KATNIP: variants seen among roughly 807,000 people sequenced by gnomAD.
KATNIP encodes katanin interacting protein.
KATNIP carries 126 observed loss-of-function variants against 174.0 expected under a neutral mutation model. The observed-to-expected ratio is 0.72, with a 90% CI of 0.63 to 0.84. The LOEUF (loss-of-function observed/expected upper bound fraction) is 0.84. Among genes scored for constraint, KATNIP ranks in the 40% least tolerant of loss-of-function variants. The probability of loss-of-function intolerance (pLI) is 0.00; values close to 1 mark genes in which losing one functional copy is unlikely to be tolerated. For synonymous variants in KATNIP, 810 were observed against 835.7 expected, an observed-to-expected ratio of 0.97 and a Z score of 0.53; for missense variants, 1,958 against 2,109.7, an observed-to-expected ratio of 0.93 and a Z score of 1.41.
At chr16:27,737,689 C>T (rs144523098) in intron 14 of KATNIP, among the ~76,000 whole-genome samples, 35 of 152,166 alleles carry the variant, frequency 2.3e-4, no homozygotes, top group Admixed American at 7.9e-4. Context: ...TGCAGAGCCA[C>T]ACAAGCCCCA....
chr16:27,655,643 A>G (rs148582580), intron 6 of KATNIP, among the ~76,000 whole-genome samples: 18 of 152,174 alleles, frequency 1.2e-4, no homozygotes, highest in Admixed American at 4.6e-4. Context: ...CCGAGTGCCA[A>G]GCACCATGTT....
At chr16:27,558,996 G>A (rs2089742831) in intron 1 of KATNIP, among the ~76,000 whole-genome samples, 1 of 152,190 alleles carries the variant, frequency 6.6e-6, no homozygotes, top group Non-Finnish European at 1.5e-5. Context: ...GGAAGAACTG[G>A]CCACTGGGCT....
At chr16:27,554,998 A>G (rs1374808538) in intron 1 of KATNIP, among the ~76,000 whole-genome samples, 1 of 151,836 alleles carries the variant, frequency 6.6e-6, no homozygotes. Flanking sequence ...GGGTTTCACC[A>G]TGTTGGTCAG....
chr16:27,690,364 G>GATA lies in KATNIP; in HGVS notation c.941-7963_941-7961dup, dbSNP rs1567304117. Among the ~76,000 whole-genome samples the GATA allele has an allele frequency of 7.8e-3, 347 of 44,234 alleles. 1 individual carries two copies. Among genetic ancestry groups the GATA allele is most frequent in the African/African-American group, 0.027 (326 of 12,178 alleles). 29.0% of individuals were successfully genotyped at this position (44,234 alleles called of 152,430 possible). A position where few individuals can be genotyped will look rare whatever the true frequency, so the allele number is the denominator to read the frequency against. ...TAGATAGATAGATAGATAGATAGAT[G>GATA]ATAGATAGATAGATAGATAGATAGA... is the stretch of plus-strand genomic sequence containing the variant. On this transcript the variant is annotated intron_variant, in intron 8 of 27. Coordinates refer to ENST00000261588, the MANE Select transcript of KATNIP (RefSeq NM_015202.5).
At chr16:27,579,425 A>G (rs2090612838) in intron 2 of KATNIP, among the ~76,000 whole-genome samples, 1 of 152,210 alleles carries the variant, frequency 6.6e-6, no homozygotes, top group Non-Finnish European at 1.5e-5. Flanking sequence ...TAATACAGTC[A>G]TGTATTAACG....
chr16:27,629,594 C>T (rs1201693069), intron 4 of KATNIP, among the ~76,000 whole-genome samples: 4 of 152,142 alleles, frequency 2.6e-5, no homozygotes. Context: ...GAAAAATTCC[C>T]AACCCAGCCT....
chr16:27,568,674 AG>A (rs898511532), intron 1 of KATNIP, among the ~76,000 whole-genome samples: 5 of 152,156 alleles, frequency 3.3e-5, no homozygotes, highest in African/African-American at 1.2e-4. Flanking sequence ...CCTGTTGGCC[AG>A]GATGGTCTCA....
chr16:27,770,672 G>T (rs1379653156), intron 21 of KATNIP, among the ~76,000 whole-genome samples: 1 of 152,188 alleles, frequency 6.6e-6, no homozygotes, highest in Non-Finnish European at 1.5e-5. Context: ...CAGGGAGAGG[G>T]GCCCCGTCAG....
At chr16:27,691,211 C>T (rs958137901) in intron 8 of KATNIP, among the ~76,000 whole-genome samples, 1 of 152,190 alleles carries the variant, frequency 6.6e-6, no homozygotes, top group African/African-American at 2.4e-5. Flanking sequence ...CGACCGGCAG[C>T]CTCGTGCCCT....
intron 7 of KATNIP, among the ~76,000 whole-genome samples, chr16:27,680,411 C>G (rs1262921745): frequency 1.3e-5 from 2 of 152,160 alleles, no homozygotes; most frequent in Admixed American, 6.5e-5. Flanking sequence ...ACCTGACAGT[C>G]ATTCCTGGGT....
intron 13 of KATNIP, among the ~76,000 whole-genome samples, chr16:27,713,728 T>TA (rs146481001): frequency 0.46 from 3,672 of 7,996 alleles, 565 homozygotes; most frequent in Middle Eastern, 0.6. Context: ...TGTGTGTGTA[T>TA]TATATACACA....
chr16:27,736,180 T>G (rs2080887891), intron 14 of KATNIP, among the ~76,000 whole-genome samples: 1 of 152,106 alleles, frequency 6.6e-6, no homozygotes, highest in Non-Finnish European at 1.5e-5. Context: ...TTTTTGTATT[T>G]TTAGTAGAGA....
At chr16:27,662,071 T>TATATATATATATATATATATAC (rs1403398316) in intron 6 of KATNIP, among the ~76,000 whole-genome samples, 1 of 57,198 alleles carries the variant, frequency 1.7e-5, no homozygotes, top group Non-Finnish European at 3.4e-5. Context: ...TATATATATA[T>TATATATATATATATATATATAC]ACACACATAT....
At chr16:27,720,623 G>T (rs535043591) in intron 13 of KATNIP, among the ~76,000 whole-genome samples, 9 of 151,242 alleles carry the variant, frequency 6.0e-5, no homozygotes, top group Non-Finnish European at 1.3e-4. Flanking sequence ...TGACATGGAC[G>T]TGAAAAGAGA....
chr16:27,701,713 GCCAAAC>G lies in KATNIP; in HGVS notation c.1286+21_1286+26del. 1 of 1,552,718 alleles carries G rather than the reference GCCAAAC, an allele frequency of 6.4e-7. No individual in the cohort carries two copies. On this transcript the variant is annotated intron_variant, in intron 11 of 27. Transcript: ENST00000261588. ...GGAAGCAGGTACTACTAAGGCTGAG[GCCAAAC>G]CCGAAACCCCTTAGCAGTGCAGCCA...
At chr16:27,619,328 T>G (rs760349293) in intron 3 of KATNIP, among the ~76,000 whole-genome samples, 2 of 152,176 alleles carry the variant, frequency 1.3e-5, no homozygotes, top group Non-Finnish European at 2.9e-5. Flanking sequence ...GCATTTGGCC[T>G]GTGAAATCTC....
At chr16:27,568,710 G>A (rs548486136) in intron 1 of KATNIP, among the ~76,000 whole-genome samples, 63 of 152,136 alleles carry the variant, frequency 4.1e-4, no homozygotes, top group African/African-American at 1.4e-3. Flanking sequence ...TGATCTGCCC[G>A]CCCGGGCCTC....
At chr16:27,610,059 G>C (rs1189865013) in intron 2 of KATNIP, among the ~76,000 whole-genome samples, 5 of 152,096 alleles carry the variant, frequency 3.3e-5, no homozygotes. Flanking sequence ...CTCAGAGATG[G>C]GGGTCAAGGC....
intron 12 of KATNIP, among the ~76,000 whole-genome samples, chr16:27,704,684 G>A (rs2079229352): frequency 6.6e-6 from 1 of 152,128 alleles, no homozygotes; most frequent in Admixed American, 6.5e-5. Context: ...TAAAAGGATG[G>A]AAGCTATCAT....
Sources: gnomAD v4.1 joint callset for allele counts (sites outside exome capture counted in the v4.1 genomes callset) on GRCh38, gnomAD v4.1.1 for gene constraint, MANE v1.5 for transcripts, NCBI Gene and HGNC (gene_info 2026-07-23, HGNC 2026-07-21) for gene names.